The following TRAPPC9 variants were observed in gnomAD, a reference collection of about 807,000 sequenced individuals.
TRAPPC9 encodes IKK2 binding protein.
In TRAPPC9, 83 loss-of-function variants were observed where a neutral mutation model predicts 124.0. The observed-to-expected ratio is 0.67, with a 90% confidence interval of 0.56 to 0.80. The LOEUF (loss-of-function observed/expected upper bound fraction) is 0.80, where lower values mean the gene tolerates loss of function less well. Among genes scored for constraint, TRAPPC9 ranks in the 30% least tolerant of loss-of-function variants. The pLI is 0.00. For synonymous variants in TRAPPC9, 638 were observed against 617.5 expected (o/e 1.03, Z -0.49); for missense variants, 1,302 against 1,508.3 (o/e 0.86, Z 2.27).
intron 17 of TRAPPC9, among the ~76,000 whole-genome samples, chr8:140,059,890 C>T (rs994957419): frequency 7.9e-5 from 12 of 152,158 alleles, no homozygotes; most frequent in Admixed American, 3.9e-4. Context: ...TTTATGATTT[C>T]CTTTAAATTC....
intron 19 of TRAPPC9, among the ~76,000 whole-genome samples, chr8:139,912,562 AG>A (rs143413264): frequency 0.013 from 1,963 of 152,372 alleles, 19 homozygotes; most frequent in Non-Finnish European, 0.022. Context: ...TTTCAGGCTC[AG>A]AGGCCGAGTC....
At chr8:140,038,214 G>A (rs1563711806) in intron 17 of TRAPPC9, among the ~76,000 whole-genome samples, 1 of 152,136 alleles carries the variant, frequency 6.6e-6, no homozygotes, top group Non-Finnish European at 1.5e-5. Flanking sequence ...TGAATGAGAA[G>A]CTGATTCGCC....
chr8:139,995,936 A>G (rs1415883541), intron 18 of TRAPPC9, among the ~76,000 whole-genome samples: 2 of 150,854 alleles, frequency 1.3e-5, no homozygotes, highest in African/African-American at 4.9e-5. Flanking sequence ...TCCCAATATT[A>G]TAGTCAAGAT....
At chr8:140,388,668 C>A (rs1230553150) in intron 7 of TRAPPC9, among the ~76,000 whole-genome samples, 1 of 150,168 alleles carries the variant, frequency 6.7e-6, no homozygotes, top group African/African-American at 2.5e-5. Context: ...GGTGACAGAG[C>A]AAGACTCCAT....
chr8:140,390,219 C>T (rs1239192530), intron 7 of TRAPPC9, among the ~76,000 whole-genome samples: 2 of 152,012 alleles, frequency 1.3e-5, no homozygotes, highest in African/African-American at 4.8e-5. Flanking sequence ...GCAGGAGAAT[C>T]GCTTAAGCCT....
chr8:139,991,174 C>T (rs1837618239), intron 18 of TRAPPC9, among the ~76,000 whole-genome samples: 1 of 152,170 alleles, frequency 6.6e-6, no homozygotes, highest in Non-Finnish European at 1.5e-5. Context: ...ACTCGTAAAA[C>T]ATTTATCAGA....
At chr8:140,389,069 T>C (rs1181217061) in intron 7 of TRAPPC9, among the ~76,000 whole-genome samples, 1 of 149,550 alleles carries the variant, frequency 6.7e-6, no homozygotes, top group Admixed American at 6.7e-5. Flanking sequence ...GCGATTCTCC[T>C]GCCTCAGCCT....
chr8:140,231,254 T>C (rs1158759741), intron 16 of TRAPPC9, among the ~76,000 whole-genome samples: 2 of 152,066 alleles, frequency 1.3e-5, no homozygotes, highest in Non-Finnish European at 2.9e-5. Context: ...CCAGGGACAG[T>C]GATGCAAGGA....
chr8:139,848,833 C>T (rs1040211712), intron 21 of TRAPPC9, among the ~76,000 whole-genome samples: 1 of 152,220 alleles, frequency 6.6e-6, no homozygotes, highest in African/African-American at 2.4e-5. Flanking sequence ...ACTCTAGATG[C>T]TGCTGCTTCA....
intron 21 of TRAPPC9, among the ~76,000 whole-genome samples, chr8:139,842,088 C>G (rs1826770973): frequency 6.6e-6 from 1 of 152,198 alleles, no homozygotes; most frequent in Non-Finnish European, 1.5e-5. Flanking sequence ...TCCATGAGGC[C>G]CTTGCATTAG....
rs2069922770 is a variant in TRAPPC9 at position 140,416,208 on chromosome 8, TTAC to T, written c.886+10404_886+10406del. Among the ~76,000 whole-genome samples the T allele has an allele frequency of 2.6e-5, 4 of 152,150 alleles. No individual in the cohort carries two copies. The South Asian group carries it at 8.3e-4, about 31-fold the overall frequency. On this transcript the variant is annotated intron_variant, in intron 5 of 22. Transcript: ENST00000438773. The stretch of plus-strand genomic sequence containing the variant: ...AAAATCAGAGCTTAAAGAATAGACA[TTAC>T]TACCAACCTTACATAAATAAATTGT...
At chr8:139,859,545 A>G (rs193190290) in intron 21 of TRAPPC9, among the ~76,000 whole-genome samples, 4 of 152,112 alleles carry the variant, frequency 2.6e-5, no homozygotes, top group African/African-American at 7.3e-5. Flanking sequence ...CACTTTCTCC[A>G]TTCCAAAAAA....
chr8:139,966,319 C>T (rs909024486), intron 19 of TRAPPC9, among the ~76,000 whole-genome samples: 10 of 152,204 alleles, frequency 6.6e-5, no homozygotes, highest in Non-Finnish European at 1.5e-4. Context: ...TCACCCTGGG[C>T]CCACAAGCTC....
chr8:140,442,753 TCAA>T (rs1433519122), intron 2 of TRAPPC9, among the ~76,000 whole-genome samples: 1 of 152,050 alleles, frequency 6.6e-6, no homozygotes, highest in Admixed American at 6.6e-5. Context: ...CTAAAGCTGC[TCAA>T]CAACAACAGT....
intron 17 of TRAPPC9, among the ~76,000 whole-genome samples, chr8:140,092,306 T>C (rs1844623843): frequency 1.3e-5 from 2 of 151,086 alleles, no homozygotes; most frequent in Non-Finnish European, 2.9e-5. Context: ...CAAGCAATTC[T>C]CCTGCCTCAG....
intron 21 of TRAPPC9, among the ~76,000 whole-genome samples, chr8:139,794,145 C>T (rs549307877): frequency 4.6e-4 from 70 of 152,220 alleles, no homozygotes; most frequent in African/African-American, 1.6e-3. Context: ...CCCACCCATG[C>T]GGCTCACGCC....
In TRAPPC9 at chr8:139,825,936, AC is replaced by A. The variant is rs1167849789; in HGVS notation, c.3055+59942del. On this transcript the variant is annotated intron_variant, in intron 21 of 22. Coordinates refer to ENST00000438773, the MANE Select transcript of TRAPPC9 (RefSeq NM_001160372.4). The surrounding 1 kb of genome is among the most constrained non-coding windows in gnomAD (Gnocchi z 4.6). ...TGGGGAGAGGTGAGCATCGGATATA[AC>A]CCGCCCGTGGAACAGGCCATGATGA... Among the ~76,000 whole-genome samples the A allele has an allele frequency of 2.0e-5, 3 of 152,072 alleles. No homozygotes were observed. The highest frequency in any genetic ancestry group is 7.2e-5 in the African/African-American group (3 of 41,416).
intron 17 of TRAPPC9, among the ~76,000 whole-genome samples, chr8:140,140,121 A>AG (rs1326811424): frequency 1.3e-5 from 2 of 152,270 alleles, no homozygotes; most frequent in African/African-American, 4.8e-5. Context: ...GAGCACACGC[A>AG]GGGGCAGGGA....
intron 17 of TRAPPC9, among the ~76,000 whole-genome samples, chr8:140,101,535 T>G (rs917722890): frequency 7.5e-6 from 1 of 133,556 alleles, no homozygotes; most frequent in Non-Finnish European, 1.6e-5. Context: ...GGGTTTTCTT[T>G]TTTTTGTTTT....
Sources: gnomAD v4.1 joint callset for allele counts (sites outside exome capture counted in the v4.1 genomes callset) on GRCh38, gnomAD v4.1.1 for gene constraint, Gnocchi (gnomAD v3.1) non-coding constraint, MANE v1.5 for transcripts, NCBI Gene and HGNC (gene_info 2026-07-23, HGNC 2026-07-21) for gene names.